PAX5: variants seen among roughly 807,000 people sequenced by gnomAD.
PAX5 encodes paired box 5.
In PAX5, 9 loss-of-function variants were observed where a neutral mutation model predicts 43.7. The observed-to-expected ratio is 0.21, with a 90% CI of 0.12 to 0.36. The LOEUF (loss-of-function observed/expected upper bound fraction) is 0.36. Ranked by LOEUF, PAX5 falls within the 10% of genes least tolerant of loss-of-function variation. The pLI is 1.00. For missense variants in PAX5, 383 were observed against 532.7 expected, an observed-to-expected ratio of 0.72 and a Z score of 2.77; for synonymous variants, 228 against 214.3, an observed-to-expected ratio of 1.06 and a Z score of -0.56.
At chr9:36,978,199 T>C (rs2132260860) in intron 5 of PAX5, among the ~76,000 whole-genome samples, 1 of 152,374 alleles carries the variant, frequency 6.6e-6, no homozygotes, top group South Asian at 2.1e-4. Flanking sequence ...AAGTCTGTTC[T>C]CTCTAATCCA....
chr9:36,863,519 A>G (rs1587796841), intron 8 of PAX5, among the ~76,000 whole-genome samples: 5 of 152,326 alleles, frequency 3.3e-5, no homozygotes, highest in Admixed American at 2.6e-4. Context: ...CCTTTCACCA[A>G]TGCAGAAGCC....
chr9:36,835,683 C>T lies in PAX5; in HGVS notation c.*4877G>A, dbSNP rs956583577. Reference sequence around the variant, plus strand: ...GAAATGTACTTGCCTCGGACCTCTCCGAGGCCAAAAGAACGAAAGAAATAG... The same window carrying T: ...GAAATGTACTTGCCTCGGACCTCTCTGAGGCCAAAAGAACGAAAGAAATAG... On this transcript the variant is annotated 3_prime_UTR_variant, in exon 10 of 10. Coordinates refer to ENST00000358127, the MANE Select transcript of PAX5 (RefSeq NM_016734.3). The T allele has an allele frequency of 2.1e-5, 5 of 233,268 alleles. No individual in the cohort carries two copies. The highest frequency in any genetic ancestry group is 8.8e-5 in the African/African-American group (4 of 45,464). 14.4% of individuals were successfully genotyped at this position (233,268 alleles called of 1,614,324 possible).
At chr9:36,968,698 T>C (rs10121336) in intron 5 of PAX5, among the ~76,000 whole-genome samples, 6,111 of 152,252 alleles carry the variant, frequency 0.04, 393 homozygotes, top group African/African-American at 0.14. Context: ...GCCCATGACC[T>C]TGGCCTTCCA....
At chr9:36,884,645 G>A (rs1447982185) in intron 7 of PAX5, among the ~76,000 whole-genome samples, 4 of 152,152 alleles carry the variant, frequency 2.6e-5, no homozygotes, top group East Asian at 1.9e-4. Flanking sequence ...AGTACAATAC[G>A]ATAAGACAGA....
chr9:36,896,783 T>A (rs1449757912), intron 7 of PAX5, among the ~76,000 whole-genome samples: 4 of 152,120 alleles, frequency 2.6e-5, no homozygotes, highest in Non-Finnish European at 4.4e-5. Flanking sequence ...CCAAATGGGA[T>A]CACAGAAGTG....
At chr9:36,858,259 C>T (rs1192834150) in intron 8 of PAX5, among the ~76,000 whole-genome samples, 1 of 152,102 alleles carries the variant, frequency 6.6e-6, no homozygotes, top group Non-Finnish European at 1.5e-5. Flanking sequence ...AAAACAGATA[C>T]ATTGGGACTT....
chr9:36,930,274 AG>A (rs991299055), intron 6 of PAX5, among the ~76,000 whole-genome samples: 2 of 120,904 alleles, frequency 1.7e-5, no homozygotes, highest in African/African-American at 6.6e-5. Flanking sequence ...CCCAGGCTGG[AG>A]TGCAGTGTCA....
At chr9:36,979,171 T>C (rs1004056098) in intron 5 of PAX5, among the ~76,000 whole-genome samples, 1 of 152,210 alleles carries the variant, frequency 6.6e-6, no homozygotes, top group African/African-American at 2.4e-5. Context: ...CGACTCCTCT[T>C]GGATACACAG....
chr9:36,871,822 C>T (rs1825517857), intron 8 of PAX5, among the ~76,000 whole-genome samples: 1 of 152,160 alleles, frequency 6.6e-6, no homozygotes, highest in African/African-American at 2.4e-5. Flanking sequence ...CTCTGAGCTC[C>T]CCCAGCACTG....
chr9:36,956,603 C>T (rs1225605200), intron 6 of PAX5, among the ~76,000 whole-genome samples: 1 of 152,192 alleles, frequency 6.6e-6, no homozygotes, highest in Admixed American at 6.5e-5. Flanking sequence ...CCCTCCCTTA[C>T]AAAGCAGGAA....
At chr9:36,898,914 C>A (rs976379271) in intron 7 of PAX5, among the ~76,000 whole-genome samples, 1 of 152,110 alleles carries the variant, frequency 6.6e-6, no homozygotes, top group African/African-American at 2.4e-5. Context: ...GCACTGCAGA[C>A]ACCCATCGCC....
chr9:36,959,202 T>C (rs1052388786), intron 6 of PAX5, among the ~76,000 whole-genome samples: 1 of 152,270 alleles, frequency 6.6e-6, no homozygotes, highest in Middle Eastern at 3.2e-3. Context: ...TCATTCTTCT[T>C]ATCTTAGAAT....
rs555805688 is a variant in PAX5, at chr9:36,874,890, T to C, written c.1012+7114A>G. On this transcript the variant is annotated intron_variant, in intron 8 of 9. Coordinates refer to ENST00000358127, the MANE Select transcript of PAX5 (RefSeq NM_016734.3). Reference sequence around the variant, plus strand: ...TAATAGCAATAATAATGAACACTTATGTGCCACTCCATATGTGCCAGTCAG... The same window carrying C: ...TAATAGCAATAATAATGAACACTTACGTGCCACTCCATATGTGCCAGTCAG... Among the ~76,000 whole-genome samples, 7 of 152,366 alleles carry C rather than the reference T, an allele frequency of 4.6e-5. No individual in the cohort carries two copies. The South Asian group carries it at 1.2e-3, about 27-fold the overall frequency.
At chr9:37,024,774 C>T (rs1042949229) in intron 1 of PAX5, among the ~76,000 whole-genome samples, 4 of 152,232 alleles carry the variant, frequency 2.6e-5, no homozygotes, top group African/African-American at 7.2e-5. Flanking sequence ...CCGCCTTCTC[C>T]ACACTGATGC....
intron 7 of PAX5, among the ~76,000 whole-genome samples, chr9:36,897,730 AACACC>A (rs1254217147): frequency 6.6e-6 from 1 of 152,194 alleles, no homozygotes; most frequent in African/African-American, 2.4e-5. Context: ...GTCTTCACAG[AACACC>A]TCTCAAGCTC....
intron 8 of PAX5, among the ~76,000 whole-genome samples, chr9:36,860,109 C>G (rs1014185482): frequency 6.7e-6 from 1 of 148,886 alleles, no homozygotes; most frequent in Non-Finnish European, 1.5e-5. Flanking sequence ...GAGGCTGAGG[C>G]GGGTAGATCA....
intron 8 of PAX5, among the ~76,000 whole-genome samples, chr9:36,855,271 A>T (rs1424295007): frequency 6.6e-6 from 1 of 152,258 alleles, no homozygotes; most frequent in Non-Finnish European, 1.5e-5. Context: ...GGCAAGTATC[A>T]GTAGCCACAG....
chr9:36,898,111 G>A (rs1480312386), intron 7 of PAX5, among the ~76,000 whole-genome samples: 2 of 152,186 alleles, frequency 1.3e-5, no homozygotes, highest in African/African-American at 4.8e-5. Flanking sequence ...AATGGAGGAT[G>A]GAAAGAGGGA....
At chr9:37,025,507 C>G (rs1840256175) in intron 1 of PAX5, among the ~76,000 whole-genome samples, 1 of 152,184 alleles carries the variant, frequency 6.6e-6, no homozygotes, top group Non-Finnish European at 1.5e-5. Flanking sequence ...GCAGAGACCC[C>G]GAGCGGCACC....
Sources: gnomAD v4.1 joint callset for allele counts (sites outside exome capture counted in the v4.1 genomes callset) on GRCh38, gnomAD v4.1.1 for gene constraint, MANE v1.5 for transcripts, NCBI Gene and HGNC (gene_info 2026-07-23, HGNC 2026-07-21) for gene names.